Variants in CSNK1G1 observed in about 807,000 individuals in gnomAD.
CSNK1G1 encodes casein kinase I isoform gamma-1.
Under a neutral mutation model 59.6 loss-of-function variants are expected in CSNK1G1, and 22 were observed. The observed-to-expected ratio is 0.37, with a 90% CI of 0.26 to 0.53. CSNK1G1 has a LOEUF of 0.53. CSNK1G1 is among the 20% of genes least tolerant of loss of function. The pLI is 0.89. For synonymous variants in CSNK1G1, 179 were observed against 177.1 expected (o/e 1.01, Z -0.08); for missense variants, 384 against 519.5 (o/e 0.74, Z 2.54).
rs1398193285 is a variant in CSNK1G1 at position 64,277,736 on chromosome 15, A to C, written c.182-18495T>G. Among the ~76,000 whole-genome samples, 191 of 69,202 alleles carry C rather than the reference A, an allele frequency of 2.8e-3. 2 individuals carry two copies. The highest frequency in any genetic ancestry group is 3.7e-3 in the Non-Finnish European group (134 of 36,254). The allele number at this position is 69,202 out of a possible 152,430, so 45.4% of individuals were successfully genotyped here. ...ATATTGATATATTTAATAATATATTAATATTGATATATTTAATAATATAGC... is the reference window on the plus strand; with the variant it reads ...ATATTGATATATTTAATAATATATTCATATTGATATATTTAATAATATAGC... On this transcript the variant is annotated intron_variant, in intron 2 of 11. Coordinates refer to ENST00000303052, the MANE Select transcript of CSNK1G1 (RefSeq NM_022048.5).
At chr15:64,318,951 CA>C (rs1272017449) in intron 1 of CSNK1G1, among the ~76,000 whole-genome samples, 1 of 151,876 alleles carries the variant, frequency 6.6e-6, no homozygotes, top group Admixed American at 6.6e-5. Context: ...TTCCCAGGCT[CA>C]AGTGATCTCT....
intron 2 of CSNK1G1, among the ~76,000 whole-genome samples, chr15:64,297,388 T>G (rs754441659): frequency 4.6e-5 from 7 of 151,858 alleles, no homozygotes; most frequent in Non-Finnish European, 1.0e-4. Context: ...CAGAAGGAAT[T>G]GCAAGTGTAA....
chr15:64,310,644 G>C (rs1895942919), intron 1 of CSNK1G1, among the ~76,000 whole-genome samples: 1 of 152,012 alleles, frequency 6.6e-6, no homozygotes, highest in South Asian at 2.1e-4. Context: ...TTGAGCCTAG[G>C]AGTTCGAGGT....
chr15:64,307,844 G>A (rs527886979), intron 1 of CSNK1G1, among the ~76,000 whole-genome samples: 5 of 152,082 alleles, frequency 3.3e-5, no homozygotes, highest in South Asian at 2.1e-4. Context: ...CCACCACCAC[G>A]CCTGGCTAAT....
chr15:64,266,365 C>G (rs1399320368), intron 2 of CSNK1G1, among the ~76,000 whole-genome samples: 1 of 151,958 alleles, frequency 6.6e-6, no homozygotes, highest in Non-Finnish European at 1.5e-5. Context: ...AACAAGCCAC[C>G]ACACCCAGCC....
intron 10 of CSNK1G1, among the ~76,000 whole-genome samples, chr15:64,184,732 A>T (rs2081867528): frequency 6.6e-6 from 1 of 152,150 alleles, no homozygotes; most frequent in Non-Finnish European, 1.5e-5. Flanking sequence ...TTTTGCTTTA[A>T]TCACTATTAA....
intron 10 of CSNK1G1, 63 bp downstream of exon 10, chr15:64,203,019 T>C (rs1346410279): frequency 2.5e-6 from 3 of 1,179,372 alleles, no homozygotes; most frequent in Middle Eastern, 1.9e-4. Flanking sequence ...GCTGAAGAAT[T>C]TGGGTTTTAA....
Position 64,259,198 on chromosome 15 carries a change from C to T in CSNK1G1, c.222+3G>A, listed in dbSNP as rs1446152123. The stretch of plus-strand genomic sequence containing the variant: ...TTAATTACCACAAACAGATTCTACT[C>T]ACCAGTTTGATTGCTACATATTCAT... On this transcript the variant is annotated splice_donor_region_variant and intron_variant, in intron 3 of 11. Coordinates refer to ENST00000303052, the MANE Select transcript of CSNK1G1 (RefSeq NM_022048.5). 5.7e-6 allele frequency: 9 copies of T among 1,590,876 alleles called. No homozygotes were observed. The highest frequency in any genetic ancestry group is 6.9e-6 in the Non-Finnish European group (8 of 1,166,550).
intron 2 of CSNK1G1, among the ~76,000 whole-genome samples, chr15:64,298,455 G>A (rs1280906345): frequency 2.6e-5 from 4 of 152,188 alleles, no homozygotes; most frequent in African/African-American, 9.7e-5. Flanking sequence ...GCAACTCTGT[G>A]ATTGCTAGAA....
chr15:64,347,803 C>CGA (rs760093738), intron 1 of CSNK1G1, among the ~76,000 whole-genome samples: 1 of 151,584 alleles, frequency 6.6e-6, no homozygotes, highest in Non-Finnish European at 1.5e-5. Context: ...GTCAGGAGAT[C>CGA]GAGACCATCT....
intron 1 of CSNK1G1, among the ~76,000 whole-genome samples, chr15:64,344,486 T>C (rs1402862974): frequency 6.6e-6 from 1 of 152,204 alleles, no homozygotes; most frequent in Non-Finnish European, 1.5e-5. Flanking sequence ...TAGGCTATAA[T>C]AACTTCACCA....
intron 6 of CSNK1G1, 45 bp from the exon 7 acceptor site, chr15:64,207,639 G>C (rs1433092799): frequency 2.0e-6 from 3 of 1,478,536 alleles, no homozygotes. Flanking sequence ...AGTTATTAAA[G>C]CAGAAAGAGG....
intron 2 of CSNK1G1, among the ~76,000 whole-genome samples, chr15:64,278,000 T>C (rs1302677949): frequency 1.4e-5 from 2 of 145,058 alleles, no homozygotes; most frequent in Non-Finnish European, 3.0e-5. Flanking sequence ...AATATATTAA[T>C]ATTGATATAT....
At chr15:64,204,412 T>TG in intron 9 of CSNK1G1, 29 bp downstream of exon 9, 5 of 1,397,430 alleles carry the variant, frequency 3.6e-6, no homozygotes, top group Non-Finnish European at 4.7e-6. Flanking sequence ...GTAATGAGGT[T>TG]AAAAAAAAAA....
intron 1 of CSNK1G1, among the ~76,000 whole-genome samples, chr15:64,322,016 A>G (rs907730915): frequency 1.3e-5 from 2 of 152,140 alleles, no homozygotes; most frequent in Admixed American, 6.5e-5. Flanking sequence ...TCTTAACTAA[A>G]TTACTCTAAG....
In CSNK1G1 at chr15:64,186,927, G is replaced by A. The variant is rs561690956; in HGVS notation, c.1108-6473C>T. Among the ~76,000 whole-genome samples the A allele has an allele frequency of 6.1e-4, 92 of 150,558 alleles. 1 individual carries two copies. Among genetic ancestry groups the A allele is most frequent in the Non-Finnish European group, 7.7e-4 (52 of 67,570 alleles). On this transcript the variant is annotated intron_variant, in intron 10 of 11. Coordinates refer to ENST00000303052, the MANE Select transcript of CSNK1G1 (RefSeq NM_022048.5). The stretch of plus-strand genomic sequence containing the variant: ...CAACCTCTGCCTCCCAGGTTCAAGC[G>A]TTCTCCTGCCTCAGCCTCCTGAGTA...
At chr15:64,294,740 G>A (rs1216177025) in intron 2 of CSNK1G1, among the ~76,000 whole-genome samples, 2 of 149,408 alleles carry the variant, frequency 1.3e-5, no homozygotes, top group Admixed American at 6.7e-5. Context: ...GTGAAACCCC[G>A]TCTCTACAAA....
intron 3 of CSNK1G1, among the ~76,000 whole-genome samples, chr15:64,258,428 T>G (rs571827367): frequency 2.6e-5 from 4 of 150,956 alleles, no homozygotes; most frequent in African/African-American, 7.3e-5. Context: ...AAGAAAAGAA[T>G]AGCATAGATT....
intron 10 of CSNK1G1, among the ~76,000 whole-genome samples, chr15:64,196,951 TA>T (rs1408099024): frequency 3.9e-5 from 6 of 152,226 alleles, no homozygotes; most frequent in South Asian, 4.2e-4. Flanking sequence ...ATCTATGCTA[TA>T]AAAAAATATC....
Sources: allele counts gnomAD v4.1 joint callset (sites outside exome capture counted in the v4.1 genomes callset), GRCh38; gene constraint gnomAD v4.1.1; transcripts MANE v1.5; gene names NCBI Gene and HGNC (gene_info 2026-07-23, HGNC 2026-07-21).